Variants in NXPH2 observed in about 807,000 individuals in gnomAD.
NXPH2 encodes neurexophilin-2.
NXPH2 carries 5 observed loss-of-function variants against 19.8 expected under a neutral mutation model. The observed-to-expected ratio is 0.25, with a 90% CI of 0.13 to 0.53. NXPH2 has a LOEUF of 0.53. Ranked by LOEUF, NXPH2 falls within the 20% of genes least tolerant of loss-of-function variation. NXPH2 has a pLI of 0.96. For synonymous variants in NXPH2, 154 were observed against 127.4 expected, an observed-to-expected ratio of 1.21 and a Z score of -1.41; for missense variants, 289 against 322.8, an observed-to-expected ratio of 0.90 and a Z score of 0.80.
chr2:138,745,658 T>C (rs115546763), intron 1 of NXPH2, among the ~76,000 whole-genome samples: 4 of 152,346 alleles, frequency 2.6e-5, no homozygotes, highest in Non-Finnish European at 5.9e-5. Context: ...TACTGGTACA[T>C]ATTATAGCAA....
chr2:138,677,745 G>C (rs946605017), intron 1 of NXPH2, among the ~76,000 whole-genome samples: 1 of 152,138 alleles, frequency 6.6e-6, no homozygotes, highest in Non-Finnish European at 1.5e-5. Flanking sequence ...AAACTAAAAA[G>C]CATCTTCCTC....
At chr2:138,685,848 A>G (rs932647419) in intron 1 of NXPH2, among the ~76,000 whole-genome samples, 1 of 152,202 alleles carries the variant, frequency 6.6e-6, no homozygotes, top group Non-Finnish European at 1.5e-5. Flanking sequence ...CTCCCAGAGT[A>G]AACCATCAAA....
chr2:138,775,075 G>A (rs996897462), intron 1 of NXPH2, among the ~76,000 whole-genome samples: 12 of 152,080 alleles, frequency 7.9e-5, no homozygotes, highest in African/African-American at 2.2e-4. Context: ...TTTAGTATAC[G>A]TGCTACTGAA....
At chr2:138,694,167 TA>T (rs1558915357) in intron 1 of NXPH2, among the ~76,000 whole-genome samples, 1 of 152,210 alleles carries the variant, frequency 6.6e-6, no homozygotes, top group African/African-American at 2.4e-5. Flanking sequence ...ATTCACCTGG[TA>T]AATATTTTCC....
intron 1 of NXPH2, among the ~76,000 whole-genome samples, chr2:138,776,397 T>C (rs1682262506): frequency 1.3e-5 from 2 of 152,056 alleles, no homozygotes; most frequent in Non-Finnish European, 2.9e-5. Context: ...CAAGCAGTCA[T>C]TTTTCTGTAT....
chr2:138,731,737 C>T (rs1259621273), intron 1 of NXPH2, among the ~76,000 whole-genome samples: 1 of 151,882 alleles, frequency 6.6e-6, no homozygotes, highest in African/African-American at 2.4e-5. Flanking sequence ...GACCAAGGAC[C>T]CAAGATCAGC....
intron 1 of NXPH2, among the ~76,000 whole-genome samples, chr2:138,774,986 A>G (rs891278574): frequency 1.3e-5 from 2 of 152,216 alleles, no homozygotes; most frequent in African/African-American, 2.4e-5. Flanking sequence ...AGTCAGCGTT[A>G]TTATCATTAT....
At chr2:138,690,637 A>G (rs572405675) in intron 1 of NXPH2, among the ~76,000 whole-genome samples, 2 of 152,174 alleles carry the variant, frequency 1.3e-5, no homozygotes, top group East Asian at 1.9e-4. Flanking sequence ...CTTAAGACAC[A>G]TTAATGTTTG....
intron 1 of NXPH2, among the ~76,000 whole-genome samples, chr2:138,732,653 T>C (rs1681470229): frequency 6.6e-6 from 1 of 152,174 alleles, no homozygotes; most frequent in Non-Finnish European, 1.5e-5. Context: ...TAAGGTTTTT[T>C]TTCTTCTTCT....
chr2:138,689,327 C>G (rs1054200785), intron 1 of NXPH2, among the ~76,000 whole-genome samples: 4 of 152,118 alleles, frequency 2.6e-5, no homozygotes, highest in Non-Finnish European at 5.9e-5. Flanking sequence ...AGACTCCTGG[C>G]CCCAGAGGAG....
chr2:138,752,566 A>C (rs1475455846), intron 1 of NXPH2, among the ~76,000 whole-genome samples: 2 of 152,130 alleles, frequency 1.3e-5, no homozygotes, highest in African/African-American at 2.4e-5. Flanking sequence ...TCAACATCTT[A>C]TATTAGTATT....
intron 1 of NXPH2, among the ~76,000 whole-genome samples, chr2:138,680,107 A>G (rs1263200116): frequency 6.6e-6 from 1 of 152,186 alleles, no homozygotes; most frequent in African/African-American, 2.4e-5. Context: ...ACAGGAACAG[A>G]AGTGCTTTGA....
intron 1 of NXPH2, among the ~76,000 whole-genome samples, chr2:138,709,309 T>G (rs193085768): frequency 2.6e-5 from 4 of 152,300 alleles, no homozygotes; most frequent in Non-Finnish European, 4.4e-5. Context: ...TTTTATAATT[T>G]TATTTTATTT....
chr2:138,759,555 C>T (rs1182845348), intron 1 of NXPH2, among the ~76,000 whole-genome samples: 1 of 147,998 alleles, frequency 6.8e-6, no homozygotes, highest in Non-Finnish European at 1.5e-5. Context: ...GCCCACTTTA[C>T]CCTTATTCTA....
At chr2:138,735,944 G>T (rs1681531733) in intron 1 of NXPH2, among the ~76,000 whole-genome samples, 1 of 152,204 alleles carries the variant, frequency 6.6e-6, no homozygotes, top group African/African-American at 2.4e-5. Context: ...GCTCCAAAAT[G>T]ATCTCCTTTG....
intron 1 of NXPH2, among the ~76,000 whole-genome samples, chr2:138,772,387 C>G (rs989815713): frequency 2.6e-5 from 4 of 152,214 alleles, no homozygotes; most frequent in African/African-American, 9.6e-5. Flanking sequence ...ACCTCTGCCT[C>G]TTGGATTCAA....
chr2:138,749,582 T>C (rs180768773), intron 1 of NXPH2, among the ~76,000 whole-genome samples: 1 of 152,288 alleles, frequency 6.6e-6, no homozygotes, highest in East Asian at 1.9e-4. Flanking sequence ...GGTTTCTTTA[T>C]GCTTTATCTT....
chr2:138,722,746 G>A (rs566268744), intron 1 of NXPH2, among the ~76,000 whole-genome samples: 30 of 152,318 alleles, frequency 2.0e-4, no homozygotes, highest in African/African-American at 7.0e-4. Context: ...AGCATGTGCC[G>A]ATGGATTGCC....
chr2:138,739,191 A>C (rs141237542), intron 1 of NXPH2, among the ~76,000 whole-genome samples: 2 of 152,314 alleles, frequency 1.3e-5, no homozygotes, highest in South Asian at 2.1e-4. Context: ...AATAATAATA[A>C]TGGTAATGTG....
Sources: gnomAD v4.1 joint callset for allele counts (sites outside exome capture counted in the v4.1 genomes callset) on GRCh38, gnomAD v4.1.1 for gene constraint, MANE v1.5 for transcripts, NCBI Gene and HGNC (gene_info 2026-07-23, HGNC 2026-07-21) for gene names.